The following ARHGEF16 variants were observed in gnomAD, a reference collection of about 807,000 sequenced individuals.
The protein encoded by ARHGEF16 is Rho guanine exchange factor (GEF) 16.
ARHGEF16 carries 59 observed loss-of-function variants against 74.1 expected under a neutral mutation model. That is an observed-to-expected ratio of 0.80 (90% CI 0.65 to 0.99). The LOEUF (loss-of-function observed/expected upper bound fraction) is 0.99, where lower values mean the gene tolerates loss of function less well. Ranked by LOEUF, ARHGEF16 falls within the 50% of genes least tolerant of loss-of-function variation. ARHGEF16 has a pLI of 0.00. For synonymous variants in ARHGEF16, 415 were observed against 412.6 expected, an observed-to-expected ratio of 1.01 and a Z score of -0.07; for missense variants, 948 against 986.6, an observed-to-expected ratio of 0.96 and a Z score of 0.52.
chr1:3,476,414 G>A (rs1252923581), intron 10 of ARHGEF16, among the ~76,000 whole-genome samples: 3 of 152,276 alleles, frequency 2.0e-5, no homozygotes, highest in South Asian at 2.1e-4. Flanking sequence ...TGGGGCCAGC[G>A]CTCCTTGCTG....
chr1:3,480,372 C>G (rs893512370), intron 14 of ARHGEF16, 76 bp from the exon 15 acceptor site: 4 of 1,577,292 alleles, frequency 2.5e-6, no homozygotes, highest in East Asian at 2.2e-5. Flanking sequence ...CTGGTGTGCT[C>G]AGGCATAGCA....
At chr1:3,470,461 G>A (rs375507613) in intron 6 of ARHGEF16, among the ~76,000 whole-genome samples, 3 of 151,626 alleles carry the variant, frequency 2.0e-5, no homozygotes, top group African/African-American at 4.9e-5. Context: ...GTGTGTGCGC[G>A]GGTGTGTGCA....
In ARHGEF16 at chr1:3,466,129, G is replaced by A; in HGVS notation, c.589-19G>A. 6.5e-7 allele frequency: 1 copy of A among 1,548,372 alleles called. No homozygotes were observed. Among genetic ancestry groups the A allele is most frequent in the Non-Finnish European group, 8.7e-7 (1 of 1,146,014 alleles). On this transcript the variant is annotated intron_variant, in intron 2 of 14. Transcript: ENST00000378378. ...GCCCCGGCTGACAGCTGCGGTTTCT[G>A]TGTCTCTCTTTTGTGCAGAAGACGC...
rs776320250 is a variant in ARHGEF16, at chr1:3,478,562, T to TCG, written c.1766_1767dup (p.Asn590AlafsTer229). The TCG allele has an allele frequency of 6.2e-7, 1 of 1,612,556 alleles. No individual in the cohort carries two copies. The highest frequency in any genetic ancestry group is 2.2e-5 in the East Asian group (1 of 44,868). On this transcript the variant is annotated frameshift_variant, in exon 12 of 15. Transcript: ENST00000378378. LOFTEE classifies it high-confidence loss of function. ...CCCACCCCTTCCAGGTGACCCTGCTTCGCAACAGCGAGGGCCGCCAGGAGC... is the reference window on the plus strand; with the variant it reads ...CCCACCCCTTCCAGGTGACCCTGCTTCGCGCAACAGCGAGGGCCGCCAGGAGC...
At position 3,467,558 on chromosome 1, in the gene ARHGEF16, G is replaced by T. The variant is rs374009358; in HGVS notation, c.804+221G>T. Among the ~76,000 whole-genome samples the T allele has an allele frequency of 2.8e-4, 43 of 152,324 alleles. No homozygotes were observed. The South Asian group carries it at 8.1e-3, about 29-fold the overall frequency. On this transcript the variant is annotated intron_variant, in intron 4 of 14. Transcript: ENST00000378378. Reference sequence around the variant, plus strand: ...CACCCTGCCCATGCAGGGCCCTGCCGTCGTGCGTGCGAGGGCCAGCCCTGC... The same window carrying T: ...CACCCTGCCCATGCAGGGCCCTGCCTTCGTGCGTGCGAGGGCCAGCCCTGC...
chr1:3,479,782 C>G, intron 13 of ARHGEF16, 30 bp from the exon 14 acceptor site: 2 of 1,606,398 alleles, frequency 1.2e-6, no homozygotes, highest in South Asian at 1.1e-5. Flanking sequence ...TGCCTCCCGA[C>G]AGCCCTGTGA....
At chr1:3,473,875 C>T (rs1639808912) in intron 8 of ARHGEF16, 2 of 364,086 alleles carry the variant, frequency 5.5e-6, no homozygotes, top group East Asian at 1.4e-4. Context: ...ACGTGGTAGC[C>T]CTGTCCCTGG....
intron 6 of ARHGEF16, 125 bp downstream of exon 6, chr1:3,469,718 G>C (rs1639651994): frequency 7.5e-7 from 1 of 1,336,970 alleles, no homozygotes; most frequent in Non-Finnish European, 1.0e-6. Flanking sequence ...GGATGGTTTA[G>C]AGCAGCTGCT....
intron 12 of ARHGEF16, 103 bp from the exon 13 acceptor site, chr1:3,479,414 C>A: frequency 6.9e-6 from 8 of 1,166,674 alleles, no homozygotes; most frequent in Non-Finnish European, 9.9e-6. Context: ...CCACCACCCC[C>A]ATCTCCTTGC....
Position 3,472,921 on chromosome 1 carries a change from C to T in ARHGEF16, c.1023-157C>T, listed in dbSNP as rs550868706. ...TCCAGCATCCCAGGTCCGGGTCCCG[C>T]CCCAAGTGCTTGCTGTGTGCTGCCT... is the stretch of plus-strand genomic sequence containing the variant. On this transcript the variant is annotated intron_variant, in intron 6 of 14. Transcript: ENST00000378378. The T allele has an allele frequency of 2.8e-5, 18 of 643,370 alleles. No individual in the cohort carries two copies. The South Asian group carries it at 4.1e-4, about 15-fold the overall frequency. 39.9% of individuals were successfully genotyped at this position (643,370 alleles called of 1,614,324 possible).
In ARHGEF16 at chr1:3,480,721, T is replaced by C. The variant is rs1298312377; in HGVS notation, c.*134T>C. 1.6e-6 allele frequency: 2 copies of C among 1,247,164 alleles called. No individual in the cohort carries two copies. Among genetic ancestry groups the C allele is most frequent in the Non-Finnish European group, 2.2e-6 (2 of 921,024 alleles). 77.3% of individuals were successfully genotyped at this position (1,247,164 alleles called of 1,614,324 possible). ...CTGGGGCTTCCCAAGAGCCTGTGGC[T>C]GTGGTGCCGGGCTCCAGACACTTCA... On this transcript the variant is annotated 3_prime_UTR_variant, in exon 15 of 15. Coordinates refer to ENST00000378378, the MANE Select transcript of ARHGEF16 (RefSeq NM_014448.4).
At chr1:3,474,935 G>T (rs540404308) in intron 9 of ARHGEF16, among the ~76,000 whole-genome samples, 153 bp downstream of exon 9, 2 of 150,908 alleles carry the variant, frequency 1.3e-5, no homozygotes, top group Non-Finnish European at 2.9e-5. Flanking sequence ...CTTTCACAGC[G>T]CTGACAGGGA....
chr1:3,463,138 C>G lies in ARHGEF16; in HGVS notation c.54C>G (p.Arg18=). 6.7e-7 allele frequency: 1 copy of G among 1,487,958 alleles called. No homozygotes were observed. The highest frequency in any genetic ancestry group is 1.3e-5 in the South Asian group (1 of 75,416). 92.2% of individuals were successfully genotyped at this position (1,487,958 alleles called of 1,614,324 possible). A position where few individuals can be genotyped will look rare whatever the true frequency, so the allele number is the denominator to read the frequency against. The change falls in exon 2 of 15, where the codon CGC becomes CGG. Residue 18 remains arginine (R), a synonymous_variant. Transcript: ENST00000378378. ...TGGAGGAGAAGCTCCTGGGACACCG[C>G]TTCCACTCGGAGCTCCGGCTCGATG... The part of the protein sequence containing the change: ...SSLEEKLLGH[R]FHSELRLDAG...
chr1:3,469,244 G>A (rs1049405106), intron 5 of ARHGEF16, among the ~76,000 whole-genome samples, 189 bp from the exon 6 acceptor site: 2 of 152,188 alleles, frequency 1.3e-5, no homozygotes, highest in Non-Finnish European at 2.9e-5. Context: ...CCAGCCAGGG[G>A]CATCCAGGGA....
intron 4 of ARHGEF16, chr1:3,468,517 G>A (rs1639611520): frequency 3.1e-6 from 1 of 318,078 alleles, no homozygotes; most frequent in South Asian, 3.1e-5. Context: ...TCACAGTCCT[G>A]CCCTCCACAC....
In ARHGEF16 at chr1:3,478,509, G is replaced by A. The variant is rs368261361; in HGVS notation, c.1711G>A (p.Gly571Arg). ...AGAGCCGTCTGAGCTCCCTCTGCCC[G>A]GGGGCGGCAACCGTAGCTCCTCCGT... ...KIEPSELPLP[G>R]GGNRSSSVPH... The change falls in exon 12 of 15, where the codon GGG (glycine) becomes AGG (arginine). Residue 571 changes from glycine (G) to arginine (R), a missense_variant. By Grantham distance (125) the Gly-to-Arg change is moderately radical. Coordinates refer to ENST00000378378, the MANE Select transcript of ARHGEF16 (RefSeq NM_014448.4). 15 of 1,610,310 alleles carry A rather than the reference G, an allele frequency of 9.3e-6. No individual in the cohort carries two copies. The highest frequency in any genetic ancestry group is 5.0e-5 in the Admixed American group (3 of 59,980).
intron 10 of ARHGEF16, among the ~76,000 whole-genome samples, chr1:3,476,731 C>T (rs969417631): frequency 2.6e-5 from 4 of 152,074 alleles, no homozygotes; most frequent in African/African-American, 9.7e-5. Flanking sequence ...CAGGGGGTGT[C>T]CTTCAGGGTG....
intron 11 of ARHGEF16, 42 bp from the exon 12 acceptor site, chr1:3,478,382 A>AGCTG: frequency 6.5e-7 from 1 of 1,547,376 alleles, no homozygotes; most frequent in East Asian, 2.3e-5. Context: ...ACTGGGTAGG[A>AGCTG]GCTGGGTGGG....
intron 1 of ARHGEF16, among the ~76,000 whole-genome samples, chr1:3,460,707 A>G (rs951826432): frequency 4.6e-5 from 7 of 152,142 alleles, no homozygotes; most frequent in Admixed American, 3.3e-4. Context: ...GGGATGGTGC[A>G]GACCAGCGTC....
Sources: allele counts gnomAD v4.1 joint callset (sites outside exome capture counted in the v4.1 genomes callset), GRCh38; gene constraint gnomAD v4.1.1; transcripts MANE v1.5; gene names NCBI Gene and HGNC (gene_info 2026-07-23, HGNC 2026-07-21).